SHCBP1: variants seen among roughly 807,000 people sequenced by gnomAD.
SHCBP1 encodes the protein SHC SH2 domain-binding protein 1.
A neutral mutation model predicts 75.1 loss-of-function variants in SHCBP1; 60 were observed. The observed-to-expected ratio is 0.80, with a 90% CI of 0.65 to 0.99. SHCBP1 has a LOEUF of 0.99. Among genes scored for constraint, SHCBP1 ranks in the 50% least tolerant of loss-of-function variants. SHCBP1 has a pLI of 0.00. For missense variants in SHCBP1, 709 were observed against 809.4 expected, an observed-to-expected ratio of 0.88 and a Z score of 1.50; for synonymous variants, 290 against 293.2, an observed-to-expected ratio of 0.99 and a Z score of 0.11.
intron 5 of SHCBP1, among the ~76,000 whole-genome samples, chr16:46,606,007 T>C (rs925949021): frequency 1.3e-4 from 19 of 151,630 alleles, no homozygotes; most frequent in Middle Eastern, 3.4e-3. Flanking sequence ...ATTTTAAAAA[T>C]AAAAAAAAGA....
chr16:46,618,142 C>T lies in SHCBP1; in HGVS notation c.271+63G>A. ...GGTGAGCCGAGATCGCACCATCGCA[C>T]TCCAGCCTGGACAACAAGAGCGAAA... On this transcript the variant is annotated intron_variant, in intron 2 of 12. Transcript: ENST00000303383. 5 of 1,502,792 alleles carry T rather than the reference C, an allele frequency of 3.3e-6. No individual in the cohort carries two copies. In the South Asian group the frequency reaches 5.4e-5, roughly 16 times the overall value. The allele number at this position is 1,502,792 out of a possible 1,614,324, so 93.1% of individuals were successfully genotyped here.
At chr16:46,590,892 C>T (rs1965036591) in intron 10 of SHCBP1, among the ~76,000 whole-genome samples, 1 of 152,066 alleles carries the variant, frequency 6.6e-6, no homozygotes, top group Non-Finnish European at 1.5e-5. Flanking sequence ...GCACTATTCA[C>T]AATAGCAAAG....
chr16:46,596,010 C>T (rs894237996), intron 9 of SHCBP1, among the ~76,000 whole-genome samples: 1 of 151,878 alleles, frequency 6.6e-6, no homozygotes, highest in Non-Finnish European at 1.5e-5. Context: ...TTCCAGGAAA[C>T]AAACATTACT....
intron 12 of SHCBP1, among the ~76,000 whole-genome samples, chr16:46,582,451 G>A (rs966663313): frequency 6.6e-6 from 1 of 152,198 alleles, no homozygotes; most frequent in Non-Finnish European, 1.5e-5. Context: ...ATGTAATTAA[G>A]ATTGCTAATC....
At chr16:46,612,716 C>T (rs1965439401) in intron 4 of SHCBP1, among the ~76,000 whole-genome samples, 2 of 152,156 alleles carry the variant, frequency 1.3e-5, no homozygotes, top group South Asian at 4.1e-4. Context: ...CCACCTTTTC[C>T]ACCTGGTAAG....
intron 9 of SHCBP1, among the ~76,000 whole-genome samples, chr16:46,598,704 T>TGAA (rs1378005891): frequency 6.6e-6 from 1 of 152,208 alleles, no homozygotes; most frequent in Non-Finnish European, 1.5e-5. Flanking sequence ...TTTGAAGCTG[T>TGAA]GAAGCCAAGC....
At chr16:46,588,800 G>C (rs1378494962) in intron 10 of SHCBP1, among the ~76,000 whole-genome samples, 1 of 152,118 alleles carries the variant, frequency 6.6e-6, no homozygotes, top group East Asian at 1.9e-4. Context: ...GAAAAAGAGG[G>C]AATCCTCCCT....
At chr16:46,595,514 A>C (rs778225531) in intron 10 of SHCBP1, 38 bp downstream of exon 10, 3 of 1,508,142 alleles carry the variant, frequency 2.0e-6, no homozygotes, top group Non-Finnish European at 2.8e-6. Context: ...TTACAACTTA[A>C]ACACAAACTA....
chr16:46,607,840 T>C lies in SHCBP1; in HGVS notation c.689+457A>G, dbSNP rs141237093. Among the ~76,000 whole-genome samples, 3 of 152,330 alleles carry C rather than the reference T, an allele frequency of 2.0e-5. No individual in the cohort carries two copies. The East Asian group carries it at 5.8e-4, about 29-fold the overall frequency. ...CCTGCTGTGTTTCACTGCAGAAACTTAGAGTAAAGCCATATACCTTTAAAG... is the reference window on the plus strand; with the variant it reads ...CCTGCTGTGTTTCACTGCAGAAACTCAGAGTAAAGCCATATACCTTTAAAG... On this transcript the variant is annotated intron_variant, in intron 5 of 12. Transcript: ENST00000303383.
chr16:46,608,451 G>T, intron 4 of SHCBP1, 62 bp from the exon 5 acceptor site: 1 of 1,112,968 alleles, frequency 9.0e-7, no homozygotes, highest in Non-Finnish European at 1.4e-6. Flanking sequence ...GGATTTTGGA[G>T]GGGTGAGAGC....
chr16:46,616,251 A>T lies in SHCBP1; in HGVS notation c.388-97T>A. On this transcript the variant is annotated intron_variant, in intron 3 of 12. Coordinates refer to ENST00000303383, the MANE Select transcript of SHCBP1 (RefSeq NM_024745.5). This position sits in a 1 kb window ranked among gnomAD's most constrained non-coding sequence, Gnocchi z 4.4. ...AACCTGATTTTTTTAAAAGCATACA[A>T]CATGGGTGGGGAGGCTTTACCCATA... 1 of 1,229,682 alleles carries T rather than the reference A, an allele frequency of 8.1e-7. No individual in the cohort carries two copies. Among genetic ancestry groups the T allele is most frequent in the Non-Finnish European group, 1.2e-6 (1 of 868,776 alleles). 76.2% of individuals were successfully genotyped at this position (1,229,682 alleles called of 1,614,324 possible).
chr16:46,608,072 A>T (rs551560432), intron 5 of SHCBP1, among the ~76,000 whole-genome samples: 2 of 152,230 alleles, frequency 1.3e-5, no homozygotes, highest in Non-Finnish European at 2.9e-5. Flanking sequence ...ACTAAAAGCA[A>T]GTTTCTCTGC....
At chr16:46,585,269 G>T (rs544099110) in intron 10 of SHCBP1, among the ~76,000 whole-genome samples, 1 of 152,278 alleles carries the variant, frequency 6.6e-6, no homozygotes, top group East Asian at 1.9e-4. Flanking sequence ...AAAAGTAACT[G>T]AGGAGCCTGC....
At chr16:46,604,890 G>C (rs538710997) in intron 5 of SHCBP1, among the ~76,000 whole-genome samples, 2 of 152,252 alleles carry the variant, frequency 1.3e-5, no homozygotes, top group East Asian at 3.9e-4. Context: ...CAATGTTTAA[G>C]ATTACTATAT....
chr16:46,614,985 A>G (rs1285615387), intron 4 of SHCBP1, among the ~76,000 whole-genome samples: 1 of 152,162 alleles, frequency 6.6e-6, no homozygotes, highest in East Asian at 1.9e-4. Flanking sequence ...GTGTGCCAGC[A>G]TCTCCTGCCT....
At chr16:46,583,228 C>T (rs1389163349) in intron 12 of SHCBP1, among the ~76,000 whole-genome samples, 6 of 152,170 alleles carry the variant, frequency 3.9e-5, no homozygotes, top group East Asian at 1.9e-4. Flanking sequence ...ACACACCCAT[C>T]GTTGCTATCA....
At chr16:46,582,263 T>C (rs1964884064) in intron 12 of SHCBP1, among the ~76,000 whole-genome samples, 1 of 152,222 alleles carries the variant, frequency 6.6e-6, no homozygotes. Flanking sequence ...CCTGGATAGT[T>C]ACTATCTGCT....
intron 4 of SHCBP1, among the ~76,000 whole-genome samples, chr16:46,608,728 C>T (rs1475791031): frequency 3.3e-5 from 5 of 151,578 alleles, no homozygotes; most frequent in South Asian, 4.2e-4. Context: ...CTCAGCCTCC[C>T]GAGTAGCTGA....
Position 46,592,951 on chromosome 16 carries a change from CAAAAAAAAAAA to C in SHCBP1, c.1464+2590_1464+2600del. On this transcript the variant is annotated intron_variant, in intron 10 of 12. Transcript: ENST00000303383. The stretch of plus-strand genomic sequence containing the variant: ...AACATCCACTTATGATAAAAATTCT[CAAAAAAAAAAA>C]AAAAAAAAAAAAAAGCAGAAATTCT... 1.4e-3 allele frequency among the ~76,000 whole-genome samples: 31 copies of C among 22,796 alleles called. 1 individual carries two copies. Among genetic ancestry groups the C allele is most frequent in the Middle Eastern group, 0.12 (2 of 16 alleles). 15.0% of individuals were successfully genotyped at this position (22,796 alleles called of 152,430 possible).
Sources: allele counts gnomAD v4.1 joint callset (sites outside exome capture counted in the v4.1 genomes callset), GRCh38; gene constraint gnomAD v4.1.1; non-coding constraint Gnocchi (gnomAD v3.1); transcripts MANE v1.5; gene names NCBI Gene and HGNC (gene_info 2026-07-23, HGNC 2026-07-21).